DNASE1L3: variants seen among roughly 807,000 people sequenced by gnomAD.
The protein encoded by DNASE1L3 is deoxyribonuclease 1L3.
DNASE1L3 carries 27 observed loss-of-function variants against 30.9 expected under a neutral mutation model. The ratio of observed to expected loss-of-function variants is 0.87; its 90% CI spans 0.64 to 1.20. The LOEUF (loss-of-function observed/expected upper bound fraction) is 1.20, where lower values mean the gene tolerates loss of function less well. Among genes scored for constraint, DNASE1L3 ranks in the 50% most tolerant of loss-of-function variants. The pLI is 0.00. For missense variants in DNASE1L3, 364 were observed against 378.2 expected (o/e 0.96, Z 0.31); for synonymous variants, 135 against 138.0 (o/e 0.98, Z 0.15).
rs2097403201 is a variant in DNASE1L3 at position 58,205,330 on chromosome 3, C to T, written c.320+141G>A. On this transcript the variant is annotated intron_variant, in intron 3 of 7. Transcript: ENST00000394549. ...GAAGAGTCAATACTTTGCATAGGCC[C>T]CTAGTTTTGACAGCAATTATTTTGA... 9.1e-6 allele frequency: 7 copies of T among 766,608 alleles called. 1 individual carries two copies. Among genetic ancestry groups the T allele is most frequent in the South Asian group, 9.0e-5 (6 of 66,582 alleles). 47.5% of individuals were successfully genotyped at this position (766,608 alleles called of 1,614,324 possible).
At chr3:58,204,131 A>G (rs1457725985) in intron 4 of DNASE1L3, among the ~76,000 whole-genome samples, 1 of 141,592 alleles carries the variant, frequency 7.1e-6, no homozygotes, top group African/African-American at 2.8e-5. Flanking sequence ...CACCTAAGCC[A>G]TTGCTTAGGA....
chr3:58,194,011 TTTC>T (rs900994292), intron 6 of DNASE1L3, among the ~76,000 whole-genome samples: 2 of 152,220 alleles, frequency 1.3e-5, no homozygotes, highest in African/African-American at 4.8e-5. Context: ...TATCATGAAA[TTTC>T]TTTTAAAAAT....
intron 2 of DNASE1L3, chr3:58,207,906 G>C: frequency 3.5e-6 from 1 of 283,248 alleles, no homozygotes; most frequent in Non-Finnish European, 6.6e-6. Context: ...TCTACTATTG[G>C]TTTCTAATCT....
At chr3:58,204,619 C>T (rs1396750354) in intron 4 of DNASE1L3, 150 bp downstream of exon 4, 2 of 645,550 alleles carry the variant, frequency 3.1e-6, no homozygotes, top group African/African-American at 3.7e-5. Context: ...GGTGCCATCA[C>T]ACTGAACTGC....
rs774002626 is a variant in DNASE1L3, at chr3:58,193,336, A to T, written c.801+7T>A. The T allele has an allele frequency of 2.5e-6, 4 of 1,613,898 alleles. No homozygotes were observed. The South Asian group carries it at 4.4e-5, about 18-fold the overall frequency. Reference sequence around the variant, plus strand: ...AATGGCATAGAAAGACAAGATGGCAACCTTACCTCCTCTTCAGTCAGCTTG... The same window carrying T: ...AATGGCATAGAAAGACAAGATGGCATCCTTACCTCCTCTTCAGTCAGCTTG... On this transcript the variant is annotated splice_region_variant and intron_variant, in intron 7 of 7. Coordinates refer to ENST00000394549, the MANE Select transcript of DNASE1L3 (RefSeq NM_004944.4).
intron 2 of DNASE1L3, among the ~76,000 whole-genome samples, chr3:58,206,100 G>A (rs768682137): frequency 1.2e-4 from 19 of 152,176 alleles, no homozygotes; most frequent in Admixed American, 1.0e-3. Context: ...TTGGGACCAC[G>A]ATTTCAATTC....
intron 1 of DNASE1L3, among the ~76,000 whole-genome samples, chr3:58,208,840 G>C (rs1386513352): frequency 1.3e-5 from 2 of 150,354 alleles, no homozygotes; most frequent in East Asian, 1.9e-4. Context: ...ACCAAGCTCA[G>C]AGTGGTTGAG....
chr3:58,197,815 T>A lies in DNASE1L3; in HGVS notation c.704+6A>T. 6.2e-7 allele frequency: 1 copy of A among 1,613,582 alleles called. No homozygotes were observed. The highest frequency in any genetic ancestry group is 8.5e-7 in the Non-Finnish European group (1 of 1,180,018). On this transcript the variant is annotated splice_donor_region_variant and intron_variant, in intron 6 of 7. Coordinates refer to ENST00000394549, the MANE Select transcript of DNASE1L3 (RefSeq NM_004944.4). The surrounding 1 kb of genome is among the most constrained non-coding windows in gnomAD (Gnocchi z 5.3). ...TGAGCCAGCAGCACCCTGCAGGGCC[T>A]CCTACCTGTCATATGCACAGTTGGT...
intron 2 of DNASE1L3, among the ~76,000 whole-genome samples, chr3:58,206,780 G>A (rs1559759035): frequency 6.6e-6 from 1 of 152,158 alleles, no homozygotes; most frequent in Non-Finnish European, 1.5e-5. Context: ...AGGCTGAGAT[G>A]ACAAAGAATA....
intron 4 of DNASE1L3, among the ~76,000 whole-genome samples, chr3:58,202,515 G>T (rs1457462819): frequency 6.6e-6 from 1 of 150,996 alleles, no homozygotes; most frequent in African/African-American, 2.4e-5. Context: ...CAAAGTGCTG[G>T]GATTACAGGC....
At chr3:58,201,134 G>A in intron 4 of DNASE1L3, 25 bp from the exon 5 acceptor site, 4 of 1,578,896 alleles carry the variant, frequency 2.5e-6, no homozygotes, top group Non-Finnish European at 2.6e-6. Flanking sequence ...AGAGGCGGGG[G>A]TCACACACTT....
intron 4 of DNASE1L3, among the ~76,000 whole-genome samples, chr3:58,204,192 G>A (rs1443257177): frequency 1.3e-5 from 2 of 150,664 alleles, no homozygotes; most frequent in Admixed American, 1.3e-4. Flanking sequence ...CCAAGCTGGA[G>A]TGCAGTGGTA....
intron 6 of DNASE1L3, among the ~76,000 whole-genome samples, chr3:58,196,838 A>C (rs1315491165): frequency 1.3e-5 from 2 of 152,224 alleles, no homozygotes; most frequent in East Asian, 1.9e-4. Context: ...GCACGAGGGA[A>C]TGCTAGGACT....
intron 6 of DNASE1L3, among the ~76,000 whole-genome samples, chr3:58,193,691 TAGG>T (rs1553713245): frequency 1.3e-5 from 2 of 152,012 alleles, no homozygotes; most frequent in Non-Finnish European, 2.9e-5. Flanking sequence ...TCTGGTGGAG[TAGG>T]AGAAGATTTT....
intron 2 of DNASE1L3, among the ~76,000 whole-genome samples, chr3:58,206,911 A>C (rs929402087): frequency 2.0e-5 from 3 of 152,202 alleles, no homozygotes; most frequent in South Asian, 4.1e-4. Context: ...GCCCTTAGGC[A>C]GACTGACATG....
At chr3:58,193,266 A>G (rs774489440) in intron 7 of DNASE1L3, 77 bp downstream of exon 7, 3 of 1,557,340 alleles carry the variant, frequency 1.9e-6, no homozygotes, top group South Asian at 1.1e-5. Flanking sequence ...TTTCATAGAG[A>G]TGGAGTCTCA....
In DNASE1L3 at chr3:58,197,013, C is replaced by T. The variant is rs527597809; in HGVS notation, c.704+808G>A. ...TTTAGCAGTATTTATAACAGCAAAC[C>T]CTTGGTAATAACCCAATGCCTAATG... is the stretch of plus-strand genomic sequence containing the variant. On this transcript the variant is annotated intron_variant, in intron 6 of 7. Coordinates refer to ENST00000394549, the MANE Select transcript of DNASE1L3 (RefSeq NM_004944.4). The surrounding 1 kb of genome is among the most constrained non-coding windows in gnomAD (Gnocchi z 5.3). Among the ~76,000 whole-genome samples, 4 of 152,132 alleles carry T rather than the reference C, an allele frequency of 2.6e-5. No homozygotes were observed. In the South Asian group the frequency reaches 8.3e-4, roughly 32 times the overall value.
intron 4 of DNASE1L3, 56 bp from the exon 5 acceptor site, chr3:58,201,165 A>T: frequency 6.9e-7 from 1 of 1,450,572 alleles, no homozygotes; most frequent in Non-Finnish European, 9.6e-7. Flanking sequence ...GGTCTCATAA[A>T]CACTGCTGGA....
intron 6 of DNASE1L3, 131 bp from the exon 7 acceptor site, chr3:58,193,570 G>A (rs940750214): frequency 1.4e-5 from 10 of 721,346 alleles, no homozygotes; most frequent in Non-Finnish European, 2.3e-5. Flanking sequence ...AAAGTCCAGA[G>A]CTGGTTTTAG....
Sources: gnomAD v4.1 joint callset for allele counts (sites outside exome capture counted in the v4.1 genomes callset) on GRCh38, gnomAD v4.1.1 for gene constraint, Gnocchi (gnomAD v3.1) non-coding constraint, MANE v1.5 for transcripts, NCBI Gene and HGNC (gene_info 2026-07-23, HGNC 2026-07-21) for gene names.